The following PLA2G4A variants were observed in gnomAD, a reference collection of about 807,000 sequenced individuals.
The protein encoded by PLA2G4A is phospholipase A2 group IVA, also known as cytosolic phospholipase A2.
PLA2G4A carries 40 observed loss-of-function variants against 81.9 expected under a neutral mutation model. The ratio of observed to expected loss-of-function variants is 0.49; its 90% confidence interval spans 0.38 to 0.64. The LOEUF is 0.64. PLA2G4A is among the 30% of genes least tolerant of loss of function. The pLI, the probability that PLA2G4A is intolerant of heterozygous loss-of-function variation, is 0.00. For synonymous variants in PLA2G4A, 302 were observed against 296.9 expected, an observed-to-expected ratio of 1.02 and a Z score of -0.18; for missense variants, 715 against 905.1, an observed-to-expected ratio of 0.79 and a Z score of 2.69.
intron 8 of PLA2G4A, among the ~76,000 whole-genome samples, chr1:186,934,441 C>CATATATATATATATATAT (rs1209342571): frequency 2.5e-4 from 1 of 4,018 alleles, no homozygotes; most frequent in Admixed American, 2.7e-3. Context: ...TTTAAATGTG[C>CATATATATATATATATAT]ACATATATAT....
intron 14 of PLA2G4A, among the ~76,000 whole-genome samples, chr1:186,961,034 G>C (rs2102268008): frequency 6.6e-6 from 1 of 152,000 alleles, no homozygotes; most frequent in South Asian, 2.1e-4. Context: ...TGGTTTTTTT[G>C]TTTTTTGCAA....
chr1:186,893,346 T>A (rs748980940), intron 4 of PLA2G4A, among the ~76,000 whole-genome samples, 187 bp downstream of exon 4: 5 of 152,136 alleles, frequency 3.3e-5, no homozygotes, highest in African/African-American at 7.2e-5. Context: ...ATACAGGAGT[T>A]AGGTAGGGTT....
At position 186,939,087 on chromosome 1, in the gene PLA2G4A, G is replaced by A. The variant is rs201483757; in HGVS notation, c.775G>A (p.Val259Ile). 6 of 1,610,892 alleles carry A rather than the reference G, an allele frequency of 3.7e-6. No individual in the cohort carries two copies. In the East Asian group the frequency reaches 8.9e-5, roughly 24 times the overall value. Residue 259 changes from valine (V) to isoleucine (I), a missense_variant, in exon 9 of 18, where the codon GTT becomes ATT. Physicochemically the swap from Val to Ile is conservative, Grantham distance 29. Transcript: ENST00000367466. The stretch of plus-strand genomic sequence containing the variant: ...GATTAATGAAGAACTAATGAAAAAT[G>A]TTAGCCACAATCCCCTTTTACTTCT... ...EEINEELMKNVSHNPLLLLTP... is the reference protein window; with the variant it reads ...EEINEELMKNISHNPLLLLTP...
intron 2 of PLA2G4A, among the ~76,000 whole-genome samples, chr1:186,866,144 AC>A (rs1653018500): frequency 6.6e-6 from 1 of 152,154 alleles, no homozygotes; most frequent in Admixed American, 6.6e-5. Flanking sequence ...GTGAGATATA[AC>A]CAAACATCTC....
At chr1:186,913,723 T>C (rs1372500857) in intron 7 of PLA2G4A, among the ~76,000 whole-genome samples, 1 of 152,192 alleles carries the variant, frequency 6.6e-6, no homozygotes, top group Non-Finnish European at 1.5e-5. Context: ...TTTCATTAAG[T>C]TTTTCATAAA....
chr1:186,947,944 G>A (rs1656400891), intron 12 of PLA2G4A, among the ~76,000 whole-genome samples: 2 of 152,230 alleles, frequency 1.3e-5, no homozygotes, highest in South Asian at 2.1e-4. Flanking sequence ...TTTTAAACAA[G>A]CTGTCCTTGG....
At chr1:186,840,226 A>G (rs1175376834) in intron 1 of PLA2G4A, among the ~76,000 whole-genome samples, 1 of 152,018 alleles carries the variant, frequency 6.6e-6, no homozygotes, top group Non-Finnish European at 1.5e-5. Flanking sequence ...CCTAGCCTTC[A>G]CTAGATTGCC....
intron 9 of PLA2G4A, among the ~76,000 whole-genome samples, 154 bp from the exon 10 acceptor site, chr1:186,939,826 G>A (rs1392132793): frequency 2.6e-5 from 4 of 151,950 alleles, no homozygotes; most frequent in Non-Finnish European, 1.5e-5. Flanking sequence ...CTTATTTTTT[G>A]TTGTTCATTC....
chr1:186,873,547 T>G (rs1033953170), intron 3 of PLA2G4A, among the ~76,000 whole-genome samples: 3 of 152,062 alleles, frequency 2.0e-5, no homozygotes, highest in Non-Finnish European at 4.4e-5. Context: ...TCTGAGTGCT[T>G]TCTCAACGGT....
At chr1:186,870,372 CA>C in intron 2 of PLA2G4A, 62 bp from the exon 3 acceptor site, 2 of 948,330 alleles carry the variant, frequency 2.1e-6, no homozygotes, top group Non-Finnish European at 3.5e-6. Context: ...AAATTAATCT[CA>C]AGGAAAAAAT....
intron 7 of PLA2G4A, among the ~76,000 whole-genome samples, chr1:186,915,449 G>A (rs1364313062): frequency 3.9e-5 from 6 of 152,162 alleles, no homozygotes; most frequent in Non-Finnish European, 7.3e-5. Context: ...TGCCCAAGTA[G>A]CAGGCCCATA....
intron 7 of PLA2G4A, among the ~76,000 whole-genome samples, chr1:186,922,017 G>T (rs1655370811): frequency 6.6e-6 from 1 of 152,122 alleles, no homozygotes; most frequent in Admixed American, 6.5e-5. Context: ...CTCACAGAAA[G>T]TTTTAAGTTT....
At chr1:186,854,576 C>G (rs1215024502) in intron 2 of PLA2G4A, among the ~76,000 whole-genome samples, 189 bp downstream of exon 2, 1 of 151,740 alleles carries the variant, frequency 6.6e-6, no homozygotes, top group African/African-American at 2.4e-5. Flanking sequence ...CATTTTATTA[C>G]TGTAAGTTTC....
chr1:186,971,428 C>A (rs1286395012), intron 15 of PLA2G4A, among the ~76,000 whole-genome samples: 1 of 151,872 alleles, frequency 6.6e-6, no homozygotes, highest in East Asian at 1.9e-4. Flanking sequence ...TCTTCCCGTG[C>A]CTTTCTCCAA....
intron 3 of PLA2G4A, 111 bp from the exon 4 acceptor site, chr1:186,892,900 A>G: frequency 1.3e-6 from 1 of 786,012 alleles, no homozygotes; most frequent in South Asian, 1.5e-5. Flanking sequence ...AGACATTTAA[A>G]TACATCACTA....
chr1:186,890,433 G>A (rs1055891711), intron 3 of PLA2G4A, among the ~76,000 whole-genome samples: 8 of 152,160 alleles, frequency 5.3e-5, no homozygotes, highest in African/African-American at 1.4e-4. Context: ...TGGGTCACTC[G>A]CTTTGTTGCT....
At chr1:186,943,246 A>G (rs1354393713) in intron 10 of PLA2G4A, among the ~76,000 whole-genome samples, 1 of 152,174 alleles carries the variant, frequency 6.6e-6, no homozygotes, top group Non-Finnish European at 1.5e-5. Context: ...TTTCTTGGAA[A>G]TTTTCAACAA....
chr1:186,853,956 C>G (rs1652464093), intron 1 of PLA2G4A, among the ~76,000 whole-genome samples: 1 of 151,838 alleles, frequency 6.6e-6, no homozygotes, highest in Admixed American at 6.6e-5. Flanking sequence ...ATGATATAAA[C>G]AGTACAAAAA....
In PLA2G4A at chr1:186,946,922, G is replaced by C. The variant is rs745589335; in HGVS notation, c.1225G>C (p.Gly409Arg). The C allele has an allele frequency of 6.2e-6, 10 of 1,611,594 alleles. No individual in the cohort carries two copies. The highest frequency in any genetic ancestry group is 3.3e-4 in the Middle Eastern group (2 of 6,078). Residue 409 changes from glycine to arginine, a missense_variant, in exon 12 of 18, where the codon GGT (glycine) becomes CGT (arginine). By Grantham distance (125) the Gly-to-Arg change is moderately radical. Transcript: ENST00000367466. ...GTTCAACAGAGTTTTGGGCGTTTCT[G>C]GTTCACAAAGCAGAGGCTCCACAAT... ...ILFNRVLGVSGSQSRGSTMEE... is the reference protein window; with the variant it reads ...ILFNRVLGVSRSQSRGSTMEE...
Sources: gnomAD v4.1 joint callset for allele counts (sites outside exome capture counted in the v4.1 genomes callset) on GRCh38, gnomAD v4.1.1 for gene constraint, MANE v1.5 for transcripts, NCBI Gene and HGNC (gene_info 2026-07-23, HGNC 2026-07-21) for gene names.